The following CLASP1 variants were observed in gnomAD, a reference collection of about 807,000 sequenced individuals.
CLASP1 encodes CLIP-associating protein 1.
CLASP1 carries 38 observed loss-of-function variants against 192.3 expected under a neutral mutation model. The observed-to-expected ratio is 0.20, with a 90% CI of 0.15 to 0.26. The LOEUF (loss-of-function observed/expected upper bound fraction) is 0.26. CLASP1 is among the 10% of genes least tolerant of loss of function. The probability of loss-of-function intolerance (pLI) is 1.00; values close to 1 mark genes in which losing one functional copy is unlikely to be tolerated. For synonymous variants in CLASP1, 691 were observed against 712.8 expected, an observed-to-expected ratio of 0.97 and a Z score of 0.49; for missense variants, 1,433 against 1,932.5, an observed-to-expected ratio of 0.74 and a Z score of 4.85.
intron 33 of CLASP1, among the ~76,000 whole-genome samples, chr2:121,379,967 G>C (rs557980101): frequency 2.0e-5 from 3 of 152,140 alleles, no homozygotes; most frequent in African/African-American, 7.2e-5. Context: ...GCAGAACCAA[G>C]AACAATTGAA....
intron 2 of CLASP1, among the ~76,000 whole-genome samples, chr2:121,590,631 A>T (rs1446398110): frequency 6.6e-6 from 1 of 152,204 alleles, no homozygotes; most frequent in African/African-American, 2.4e-5. Flanking sequence ...ACTTTTAAAA[A>T]ATATGTTCCT....
intron 39 of CLASP1, among the ~76,000 whole-genome samples, chr2:121,343,289 G>A (rs1482309608): frequency 6.6e-6 from 1 of 152,168 alleles, no homozygotes; most frequent in Admixed American, 6.6e-5. Context: ...GTGCACTGTT[G>A]GTCAGAACGT....
At chr2:121,483,772 A>G (rs1162789390) in intron 8 of CLASP1, among the ~76,000 whole-genome samples, 1 of 152,228 alleles carries the variant, frequency 6.6e-6, no homozygotes, top group Non-Finnish European at 1.5e-5. Flanking sequence ...TACAGCATAC[A>G]TATGCTTAAA....
intron 2 of CLASP1, among the ~76,000 whole-genome samples, chr2:121,596,477 C>T (rs1409154724): frequency 2.0e-5 from 3 of 152,140 alleles, no homozygotes; most frequent in African/African-American, 7.2e-5. Context: ...ATAAAAACCT[C>T]GATGAAAGCC....
chr2:121,392,771 T>C (rs2074606278), intron 30 of CLASP1, among the ~76,000 whole-genome samples: 1 of 152,200 alleles, frequency 6.6e-6, no homozygotes, highest in South Asian at 2.1e-4. Flanking sequence ...CTAGTGTACG[T>C]CTGCATAGTT....
intron 6 of CLASP1, among the ~76,000 whole-genome samples, chr2:121,520,294 C>T (rs997909420): frequency 5.3e-5 from 8 of 152,286 alleles, no homozygotes; most frequent in African/African-American, 1.4e-4. Context: ...GGAAGGCTTC[C>T]GCCCTAGGGT....
intron 2 of CLASP1, among the ~76,000 whole-genome samples, chr2:121,590,892 G>T (rs2062315259): frequency 6.8e-6 from 1 of 146,294 alleles, no homozygotes. Flanking sequence ...TTTTGAGATG[G>T]AGTCTCGCTC....
At chr2:121,441,074 C>T (rs2083254673) in intron 19 of CLASP1, among the ~76,000 whole-genome samples, 1 of 152,112 alleles carries the variant, frequency 6.6e-6, no homozygotes, top group African/African-American at 2.4e-5. Flanking sequence ...GACTCCAAAC[C>T]AGGAGAAATT....
At chr2:121,582,027 G>C (rs928066915) in intron 2 of CLASP1, among the ~76,000 whole-genome samples, 1 of 152,086 alleles carries the variant, frequency 6.6e-6, no homozygotes, top group Non-Finnish European at 1.5e-5. Flanking sequence ...GCCAGGTGTG[G>C]TGGCAGGTGT....
chr2:121,397,148 C>A (rs1490963928), exon 30 of CLASP1: 2 of 1,613,776 alleles, frequency 1.2e-6, no homozygotes. Context: ...ACCTTTCTCA[C>A]GTCTGAACTC....
intron 32 of CLASP1, among the ~76,000 whole-genome samples, chr2:121,385,590 A>C (rs1379792777): frequency 1.3e-5 from 2 of 152,224 alleles, no homozygotes; most frequent in East Asian, 1.9e-4. Flanking sequence ...TCAAGTTTTT[A>C]CTTAGATTAG....
intron 1 of CLASP1, among the ~76,000 whole-genome samples, chr2:121,628,270 A>C (rs1287658484): frequency 6.6e-6 from 1 of 152,200 alleles, no homozygotes; most frequent in African/African-American, 2.4e-5. Context: ...TGATTGCTTC[A>C]ATATTTTTCC....
chr2:121,578,422 C>CAA (rs70954557), intron 2 of CLASP1, among the ~76,000 whole-genome samples: 17 of 65,752 alleles, frequency 2.6e-4, no homozygotes, highest in East Asian at 5.2e-4. Context: ...AGACTATCTC[C>CAA]AAAAAAAAAA....
chr2:121,406,265 ATT>A (rs1181841629), intron 25 of CLASP1, among the ~76,000 whole-genome samples: 1 of 152,218 alleles, frequency 6.6e-6, no homozygotes, highest in Non-Finnish European at 1.5e-5. Flanking sequence ...ATTTTAGAAA[ATT>A]TATAAAACAG....
chr2:121,479,127 A>G lies in CLASP1; in HGVS notation c.713-9167T>C, dbSNP rs562981923. On this transcript the variant is annotated intron_variant, in intron 8 of 39. Coordinates refer to ENST00000263710, the Ensembl canonical transcript of CLASP1. ...TGCTTTCCCCCTAAGACCAAGAACA[A>G]GGGAAGATGTTTACTCTCACTACTT... 6.1e-5 allele frequency among the ~76,000 whole-genome samples: 9 copies of G among 147,536 alleles called. 1 individual carries two copies. Among genetic ancestry groups the G allele is most frequent in the African/African-American group, 2.0e-4 (8 of 39,624 alleles).
chr2:121,569,366 A>C (rs188237179), intron 2 of CLASP1, among the ~76,000 whole-genome samples: 1 of 152,330 alleles, frequency 6.6e-6, no homozygotes, highest in Admixed American at 6.5e-5. Flanking sequence ...ATCTAGAGAC[A>C]GAGATCAGGG....
chr2:121,372,151 GA>G (rs2068881432), intron 34 of CLASP1, among the ~76,000 whole-genome samples: 1 of 152,214 alleles, frequency 6.6e-6, no homozygotes, highest in Non-Finnish European at 1.5e-5. Flanking sequence ...GGTTAAAATA[GA>G]ACATTTAATG....
At chr2:121,445,131 T>G (rs1042024145) in intron 19 of CLASP1, among the ~76,000 whole-genome samples, 1 of 152,194 alleles carries the variant, frequency 6.6e-6, no homozygotes, top group Non-Finnish European at 1.5e-5. Flanking sequence ...AGCAAGTAAG[T>G]GTGCCTTGTA....
chr2:121,465,786 G>A (rs1341196466), intron 9 of CLASP1, among the ~76,000 whole-genome samples: 1 of 152,212 alleles, frequency 6.6e-6, no homozygotes, highest in Non-Finnish European at 1.5e-5. Flanking sequence ...CAGGGCTACA[G>A]TAACCAAAAC....
Sources: allele counts gnomAD v4.1 joint callset (sites outside exome capture counted in the v4.1 genomes callset), GRCh38; gene constraint gnomAD v4.1.1; transcripts MANE v1.5; gene names NCBI Gene and HGNC (gene_info 2026-07-23, HGNC 2026-07-21).